TRPS1: variants seen among roughly 807,000 people sequenced by gnomAD.
TRPS1 encodes transcriptional repressor GATA binding 1, also known as zinc finger transcription factor Trps1.
A neutral mutation model predicts 101.2 loss-of-function variants in TRPS1; 6 were observed. The ratio of observed to expected loss-of-function variants is 0.06; its 90% CI spans 0.03 to 0.12. TRPS1 has a LOEUF of 0.12. TRPS1 is among the 10% of genes least tolerant of loss of function. TRPS1 has a pLI of 1.00. For synonymous variants in TRPS1, 578 were observed against 589.8 expected (o/e 0.98, Z 0.29); for missense variants, 1,363 against 1,567.0 (o/e 0.87, Z 2.20).
chr8:115,499,956 TTTC>T (rs765053033), intron 5 of TRPS1, among the ~76,000 whole-genome samples: 66 of 40,584 alleles, frequency 1.6e-3, no homozygotes, highest in Non-Finnish European at 2.2e-3. Flanking sequence ...TCTTTCTTTC[TTTC>T]TTTCTTTTCT....
chr8:115,565,473 G>GAA (rs1479350161), intron 5 of TRPS1, among the ~76,000 whole-genome samples: 1 of 126,618 alleles, frequency 7.9e-6, no homozygotes, highest in Non-Finnish European at 1.6e-5. Flanking sequence ...AATTGCATTG[G>GAA]AAAAAATGAC....
Position 115,414,710 on chromosome 8 carries a change from T to G in TRPS1, c.3198A>C (p.Ser1066=). Residue 1066 remains serine (S), a synonymous_variant, in exon 7 of 7, where the codon TCA becomes TCC. Coordinates refer to ENST00000395715, the MANE Select transcript of TRPS1 (RefSeq NM_014112.5). This position sits in a 1 kb window ranked among gnomAD's most constrained non-coding sequence, Gnocchi z 4.8. ...QESTGDPGNS[S]SVSEGKGSSE... ...AACTTCCTTTCCCTTCAGATACGGA[T>G]GAACTATTTCCTGGATCTCCAGTAC... 6.2e-7 allele frequency: 1 copy of G among 1,614,128 alleles called. No individual in the cohort carries two copies. The highest frequency in any genetic ancestry group is 2.2e-5 in the East Asian group (1 of 44,876).
chr8:115,657,667 G>C lies in TRPS1; in HGVS notation c.-122+10878C>G, dbSNP rs563324214. On this transcript the variant is annotated intron_variant, in intron 1 of 6. Coordinates refer to ENST00000395715, the MANE Select transcript of TRPS1 (RefSeq NM_014112.5). ...GGTCAAATTCACATTTATAAACTTG[G>C]AATAGAGAGTTTGGTGGAAGTACTG... Among the ~76,000 whole-genome samples the C allele has an allele frequency of 3.9e-5, 6 of 152,122 alleles. No homozygotes were observed. The East Asian group carries it at 9.7e-4, about 25-fold the overall frequency.
In TRPS1 at chr8:115,622,450, A is replaced by T. The variant is rs1022788831; in HGVS notation, c.37+1151T>A. ...AAATATAAGGTTGAGCAAAATATGC[A>T]TGGTTTTAACTTGGTCTACAGAAAA... On this transcript the variant is annotated intron_variant, in intron 2 of 6. Transcript: ENST00000395715. 9.3e-4 allele frequency among the ~76,000 whole-genome samples: 141 copies of T among 152,322 alleles called. 2 individuals are homozygous for T. The highest frequency in any genetic ancestry group is 3.3e-3 in the African/African-American group (136 of 41,584).
intron 5 of TRPS1, among the ~76,000 whole-genome samples, chr8:115,432,624 A>G (rs1000699937): frequency 2.1e-4 from 32 of 152,122 alleles, no homozygotes; most frequent in Non-Finnish European, 3.4e-4. Flanking sequence ...TTAGGTACAG[A>G]AAAGTGTGCC....
At chr8:115,512,904 C>T (rs1815620242) in intron 5 of TRPS1, among the ~76,000 whole-genome samples, 1 of 151,466 alleles carries the variant, frequency 6.6e-6, no homozygotes, top group African/African-American at 2.4e-5. Flanking sequence ...ACTCCTTTTT[C>T]CCAAGTATTG....
intron 1 of TRPS1, among the ~76,000 whole-genome samples, chr8:115,640,944 C>T (rs184106165): frequency 6.8e-4 from 103 of 152,240 alleles, no homozygotes; most frequent in Admixed American, 3.9e-3. Context: ...GCCAGCAGGT[C>T]GGAAGCAATT....
chr8:115,576,452 T>A (rs1350272464), intron 5 of TRPS1, among the ~76,000 whole-genome samples: 1 of 152,132 alleles, frequency 6.6e-6, no homozygotes, highest in African/African-American at 2.4e-5. Flanking sequence ...TTTGCTTGAC[T>A]CTGCAATTGT....
At chr8:115,639,728 C>T (rs1021633917) in intron 1 of TRPS1, among the ~76,000 whole-genome samples, 4 of 151,860 alleles carry the variant, frequency 2.6e-5, no homozygotes, top group Non-Finnish European at 5.9e-5. Flanking sequence ...ACTCCAGAGG[C>T]TGAGGCAGGA....
chr8:115,564,986 T>C (rs1331111389), intron 5 of TRPS1, among the ~76,000 whole-genome samples: 2 of 152,076 alleles, frequency 1.3e-5, no homozygotes, highest in African/African-American at 2.4e-5. Context: ...ACTATATATA[T>C]AGGGGCTTCG....
chr8:115,581,575 G>A (rs1020532300), intron 5 of TRPS1, among the ~76,000 whole-genome samples: 1 of 151,878 alleles, frequency 6.6e-6, no homozygotes, highest in Non-Finnish European at 1.5e-5. Context: ...GGTTAATGAA[G>A]CAGACTTATA....
chr8:115,567,460 C>T (rs1280246627), intron 5 of TRPS1, among the ~76,000 whole-genome samples: 2 of 151,980 alleles, frequency 1.3e-5, no homozygotes, highest in Non-Finnish European at 2.9e-5. Context: ...CACAGCAATT[C>T]CACTTCCAGG....
At chr8:115,654,971 T>TA (rs1201907775) in intron 1 of TRPS1, among the ~76,000 whole-genome samples, 1 of 152,214 alleles carries the variant, frequency 6.6e-6, no homozygotes. Flanking sequence ...TAATGAATCT[T>TA]AAACAGTGGG....
At chr8:115,614,557 T>C (rs1010907653) in intron 3 of TRPS1, among the ~76,000 whole-genome samples, 2 of 152,202 alleles carry the variant, frequency 1.3e-5, no homozygotes, top group African/African-American at 4.8e-5. Context: ...GGCCTTGAGG[T>C]GAGCATATGT....
intron 5 of TRPS1, among the ~76,000 whole-genome samples, chr8:115,471,099 T>A (rs1359768775): frequency 2.0e-5 from 3 of 152,170 alleles, no homozygotes; most frequent in Non-Finnish European, 4.4e-5. Flanking sequence ...TCATGGGGAA[T>A]CAGGTCAATC....
chr8:115,416,929 CCT>C (rs1812936310), intron 6 of TRPS1, among the ~76,000 whole-genome samples: 1 of 152,054 alleles, frequency 6.6e-6, no homozygotes, highest in South Asian at 2.1e-4. Context: ...TGCATAAATT[CCT>C]TTTTTAAACT....
At chr8:115,538,692 G>C (rs1480113037) in intron 5 of TRPS1, among the ~76,000 whole-genome samples, 4 of 151,962 alleles carry the variant, frequency 2.6e-5, no homozygotes, top group Non-Finnish European at 5.9e-5. Context: ...CATACTCTGT[G>C]CTAGATACCA....
At chr8:115,593,318 G>A (rs115834554) in intron 4 of TRPS1, among the ~76,000 whole-genome samples, 3 of 152,094 alleles carry the variant, frequency 2.0e-5, no homozygotes, top group Non-Finnish European at 2.9e-5. Context: ...TATATTGCCC[G>A]CAGCAATAAC....
chr8:115,457,533 G>A (rs1241430470), intron 5 of TRPS1, among the ~76,000 whole-genome samples: 1 of 152,114 alleles, frequency 6.6e-6, no homozygotes, highest in Non-Finnish European at 1.5e-5. Flanking sequence ...GAGATGGATG[G>A]TGGTGATGGT....
Sources: gnomAD v4.1 joint callset for allele counts (sites outside exome capture counted in the v4.1 genomes callset) on GRCh38, gnomAD v4.1.1 for gene constraint, Gnocchi (gnomAD v3.1) non-coding constraint, MANE v1.5 for transcripts, NCBI Gene and HGNC (gene_info 2026-07-23, HGNC 2026-07-21) for gene names.